Variants in ABCA3 observed in about 807,000 individuals in gnomAD.
ABCA3 encodes phospholipid-transporting ATPase ABCA3.
ABCA3 carries 88 observed loss-of-function variants against 172.8 expected under a neutral mutation model. The observed-to-expected ratio is 0.51, with a 90% CI of 0.43 to 0.61. The LOEUF is 0.61. Ranked by LOEUF, ABCA3 falls within the 20% of genes least tolerant of loss-of-function variation. The pLI, the probability that ABCA3 is intolerant of heterozygous loss-of-function variation, is 0.00. For missense variants in ABCA3, 2,164 were observed against 2,301.0 expected, an observed-to-expected ratio of 0.94 and a Z score of 1.22; for synonymous variants, 1,066 against 983.8, an observed-to-expected ratio of 1.08 and a Z score of -1.56.
Position 2,277,739 on chromosome 16 carries a change from C to G in ABCA3, c.4910-69G>C. On this transcript the variant is annotated intron_variant, in intron 31 of 32. Coordinates refer to ENST00000301732, the MANE Select transcript of ABCA3 (RefSeq NM_001089.3). The surrounding 1 kb of genome is among the most constrained non-coding windows in gnomAD (Gnocchi z 5.3). ...GGATCGGGGAGGGTGCCTGGGTGCT[C>G]AGCACTGGAGTCCTCGTCCCAGGGA... is the stretch of plus-strand genomic sequence containing the variant. 6.2e-7 allele frequency: 1 copy of G among 1,602,626 alleles called. No individual in the cohort carries two copies. The highest frequency in any genetic ancestry group is 8.5e-7 in the Non-Finnish European group (1 of 1,173,434).
chr16:2,283,548 CG>C lies in ABCA3; in HGVS notation c.3863-191del. 1.6e-6 allele frequency: 1 copy of C among 635,126 alleles called. No individual in the cohort carries two copies. Among genetic ancestry groups the C allele is most frequent in the Admixed American group, 3.0e-5 (1 of 33,568 alleles). The allele number at this position is 635,126 out of a possible 1,614,324, so 39.3% of individuals were successfully genotyped here. Reference sequence around the variant, plus strand: ...CCACAGCTCAGAGAGGGGCCAGGCACGTAACAATCCAATGCAGTCCCATGAG... The same window carrying C: ...CCACAGCTCAGAGAGGGGCCAGGCACTAACAATCCAATGCAGTCCCATGAG... On this transcript the variant is annotated intron_variant, in intron 25 of 32. Transcript: ENST00000301732. The surrounding 1 kb of genome is among the most constrained non-coding windows in gnomAD (Gnocchi z 5.4).
At chr16:2,310,630 C>A (rs1332917057) in intron 10 of ABCA3, among the ~76,000 whole-genome samples, 1 of 151,656 alleles carries the variant, frequency 6.6e-6, no homozygotes, top group Non-Finnish European at 1.5e-5. Context: ...GATTCTCCCA[C>A]CTCAGCCTCC....
intron 1 of ABCA3, among the ~76,000 whole-genome samples, chr16:2,336,597 ATTTTT>A (rs11284766): frequency 9.9e-6 from 1 of 101,326 alleles, no homozygotes. Context: ...CGCCCAGCTA[ATTTTT>A]TTTTTTTTTT....
Position 2,297,169 on chromosome 16 carries a change from C to T in ABCA3, c.2263+160G>A, listed in dbSNP as rs994183610. Among the ~76,000 whole-genome samples the T allele has an allele frequency of 2.0e-5, 3 of 152,102 alleles. No homozygotes were observed. In the East Asian group the frequency reaches 5.8e-4, roughly 29 times the overall value. On this transcript the variant is annotated intron_variant, in intron 17 of 32. Coordinates refer to ENST00000301732, the MANE Select transcript of ABCA3 (RefSeq NM_001089.3). This position sits in a 1 kb window ranked among gnomAD's most constrained non-coding sequence, Gnocchi z 5.6. ...TTTCCTGCCTCTTCCCTCTCACAAG[C>T]CCCCCTGCCTGGTTGGGCTCTCCAC...
intron 14 of ABCA3, 41 bp downstream of exon 14, chr16:2,299,362 G>A (rs746098795): frequency 1.4e-5 from 22 of 1,611,122 alleles, no homozygotes; most frequent in Non-Finnish European, 1.4e-5. Flanking sequence ...TGTTAAAGGG[G>A]GGCCTGCTGG....
chr16:2,310,403 T>C (rs1030481575), intron 10 of ABCA3, among the ~76,000 whole-genome samples: 6 of 150,094 alleles, frequency 4.0e-5, no homozygotes, highest in African/African-American at 1.2e-4. Flanking sequence ...TGAGACTCTG[T>C]CTCAAAACAA....
At chr16:2,339,063 C>G (rs1437778127) in intron 1 of ABCA3, 1 of 152,330 alleles carries the variant, frequency 6.6e-6, no homozygotes, top group Non-Finnish European at 1.5e-5. Flanking sequence ...GCTTCCAATT[C>G]ATCTTTCCAT....
At position 2,283,073 on chromosome 16, in the gene ABCA3, G is replaced by C; in HGVS notation, c.4035+113C>G. The C allele has an allele frequency of 8.2e-7, 1 of 1,226,810 alleles. No homozygotes were observed. Among genetic ancestry groups the C allele is most frequent in the East Asian group, 2.5e-5 (1 of 39,398 alleles). The allele number at this position is 1,226,810 out of a possible 1,614,324, so 76.0% of individuals were successfully genotyped here. On this transcript the variant is annotated intron_variant, in intron 26 of 32. Coordinates refer to ENST00000301732, the MANE Select transcript of ABCA3 (RefSeq NM_001089.3). The surrounding 1 kb of genome is among the most constrained non-coding windows in gnomAD (Gnocchi z 5.4). ...GAGGCCGTACAGTGGGAGACCATCTGGTGCAGGAGCTGCCTGGTGGAGAAG... is the reference window on the plus strand; with the variant it reads ...GAGGCCGTACAGTGGGAGACCATCTCGTGCAGGAGCTGCCTGGTGGAGAAG...
intron 7 of ABCA3, 142 bp from the exon 8 acceptor site, chr16:2,319,982 T>C: frequency 1.9e-6 from 2 of 1,027,976 alleles, no homozygotes; most frequent in Non-Finnish European, 2.9e-6. Context: ...GGCCGCTCAG[T>C]GGTCCCACGG....
In ABCA3 at chr16:2,284,879, G is replaced by C; in HGVS notation, c.3603C>G (p.Phe1201Leu). 5 of 1,613,970 alleles carry C rather than the reference G, an allele frequency of 3.1e-6. No individual in the cohort carries two copies. Among genetic ancestry groups the C allele is most frequent in the South Asian group, 1.1e-5 (1 of 91,076 alleles). The change falls in exon 24 of 33, where the codon TTC becomes TTG. Residue 1201 changes from phenylalanine (F) to leucine (L), a missense_variant. By Grantham distance (22) the Phe-to-Leu change is conservative (BLOSUM62 0). Around this residue, in one of 3 missense-constraint regions of ABCA3, gnomAD observed 795 missense variants for 881.9 expected, o/e 0.90. Transcript: ENST00000301732. This position sits in a 1 kb window ranked among gnomAD's most constrained non-coding sequence, Gnocchi z 5.9. Reference protein sequence around the residue: ...AIIPLMYLMNFFFLGAATAYT... With the variant: ...AIIPLMYLMNLFFLGAATAYT... Reference sequence around the variant, plus strand: ...AGGCAGTGGCCGCCCCCAAGAAGAAGAAGTTCATCAGGTACATGAGGGGGA... The same window carrying C: ...AGGCAGTGGCCGCCCCCAAGAAGAACAAGTTCATCAGGTACATGAGGGGGA...
chr16:2,338,522 T>C (rs1304161513), intron 1 of ABCA3, among the ~76,000 whole-genome samples: 3 of 152,132 alleles, frequency 2.0e-5, no homozygotes, highest in African/African-American at 7.2e-5. Flanking sequence ...CTGGGCTGTT[T>C]TGGGCCCAGG....
chr16:2,278,922 G>A lies in ABCA3; in HGVS notation c.4547+21C>T. On this transcript the variant is annotated intron_variant, in intron 29 of 32. Coordinates refer to ENST00000301732, the MANE Select transcript of ABCA3 (RefSeq NM_001089.3). This position sits in a 1 kb window ranked among gnomAD's most constrained non-coding sequence, Gnocchi z 4.4. ...TGATTCTGACTCCACTCTGGGAAGG[G>A]CCAGGGCTCGGGAGGTGCACCTGTA... is the stretch of plus-strand genomic sequence containing the variant. 1 of 1,613,190 alleles carries A rather than the reference G, an allele frequency of 6.2e-7. No individual in the cohort carries two copies. Among genetic ancestry groups the A allele is most frequent in the Non-Finnish European group, 8.5e-7 (1 of 1,180,014 alleles).
At position 2,278,102 on chromosome 16, in the gene ABCA3, G is replaced by A; in HGVS notation, c.4719-33C>T. 6.2e-7 allele frequency: 1 copy of A among 1,612,584 alleles called. No homozygotes were observed. Among genetic ancestry groups the A allele is most frequent in the Non-Finnish European group, 8.5e-7 (1 of 1,179,828 alleles). ...GAGGGCGGGACCTCAGATAGGGCTT[G>A]GGGTGCCAAAGGCTTGTGCAGACAG... is the stretch of plus-strand genomic sequence containing the variant. On this transcript the variant is annotated intron_variant, in intron 30 of 32. Transcript: ENST00000301732. This position sits in a 1 kb window ranked among gnomAD's most constrained non-coding sequence, Gnocchi z 4.4.
chr16:2,307,016 C>CAAAAAAAAAAAAAAAAAAA (rs201661615), intron 11 of ABCA3, among the ~76,000 whole-genome samples: 15 of 65,980 alleles, frequency 2.3e-4, no homozygotes, highest in Non-Finnish European at 3.7e-4. Flanking sequence ...GACTCCGTCT[C>CAAAAAAAAAAAAAAAAAAA]AAAAAAAAAA....
chr16:2,318,174 C>T (rs968570601), intron 8 of ABCA3, among the ~76,000 whole-genome samples: 5 of 152,218 alleles, frequency 3.3e-5, no homozygotes, highest in South Asian at 2.1e-4. Context: ...GGCTGTGAGA[C>T]GTGACCACAG....
intron 1 of ABCA3, among the ~76,000 whole-genome samples, chr16:2,337,889 T>G (rs895607333): frequency 1.3e-5 from 2 of 152,206 alleles, no homozygotes; most frequent in Non-Finnish European, 2.9e-5. Context: ...CTCCCTAGGA[T>G]CACAGGCTCT....
chr16:2,278,358 G>A lies in ABCA3; in HGVS notation c.4648C>T (p.Arg1550Trp), dbSNP rs781422468. ...EPSTGMDPVA[R>W]RLLWDTVARA... ...GCCACGGTGTCCCAAAGCAGGCGCC[G>A]GGCCACGGGGTCCATGCCAGTGGAC... Residue 1550 changes from arginine to tryptophan, a missense_variant, in exon 30 of 33, where the codon CGG becomes TGG. Physicochemically the swap from Arg to Trp is moderately radical, Grantham distance 101. Transcript: ENST00000301732. This position sits in a 1 kb window ranked among gnomAD's most constrained non-coding sequence, Gnocchi z 4.4. The A allele has an allele frequency of 1.1e-5, 17 of 1,612,056 alleles. No homozygotes were observed. The highest frequency in any genetic ancestry group is 1.4e-5 in the Non-Finnish European group (17 of 1,179,990).
rs1428390177 is a variant in ABCA3, at chr16:2,275,983, G to A, written c.*691C>T. ...GGTGGTCCCTGCGTGTCCTGGGGCGGGCGACTTCCTGAGGGTGCAGTGCTG... is the reference window on the plus strand; with the variant it reads ...GGTGGTCCCTGCGTGTCCTGGGGCGAGCGACTTCCTGAGGGTGCAGTGCTG... On this transcript the variant is annotated 3_prime_UTR_variant, in exon 33 of 33. Transcript: ENST00000301732. 8.8e-6 allele frequency: 2 copies of A among 227,264 alleles called. No individual in the cohort carries two copies. Among genetic ancestry groups the A allele is most frequent in the Admixed American group, 1.1e-4 (2 of 18,776 alleles). The allele number at this position is 227,264 out of a possible 1,614,324, so 14.1% of individuals were successfully genotyped here.
chr16:2,302,065 CCCAT>C (rs554906689), intron 12 of ABCA3, among the ~76,000 whole-genome samples: 1 of 152,382 alleles, frequency 6.6e-6, no homozygotes, highest in South Asian at 2.1e-4. Flanking sequence ...AGTAATTCGG[CCCAT>C]CCATCCATTT....
Sources: gnomAD v4.1 joint callset for allele counts (sites outside exome capture counted in the v4.1 genomes callset) on GRCh38, gnomAD v4.1.1 for gene constraint, gnomAD v4.1.1 regional missense constraint, Gnocchi (gnomAD v3.1) non-coding constraint, MANE v1.5 for transcripts, NCBI Gene and HGNC (gene_info 2026-07-23, HGNC 2026-07-21) for gene names.